TSPAN9: variants seen among roughly 807,000 people sequenced by gnomAD.
The protein encoded by TSPAN9 is tetraspanin 9, also known as tetraspanin-9.
In TSPAN9, 16 loss-of-function variants were observed where a neutral mutation model predicts 31.0. The observed-to-expected ratio is 0.52, with a 90% CI of 0.35 to 0.78. The LOEUF (loss-of-function observed/expected upper bound fraction) is 0.78, where lower values mean the gene tolerates loss of function less well. Ranked by LOEUF, TSPAN9 falls within the 30% of genes least tolerant of loss-of-function variation. The pLI, the probability that TSPAN9 is intolerant of heterozygous loss-of-function variation, is 0.01. For missense variants in TSPAN9, 272 were observed against 312.5 expected (o/e 0.87, Z 0.98); for synonymous variants, 145 against 121.6 (o/e 1.19, Z -1.27).
At chr12:3,105,477 A>C (rs1252608673) in intron 2 of TSPAN9, among the ~76,000 whole-genome samples, 3 of 148,850 alleles carry the variant, frequency 2.0e-5, no homozygotes, top group East Asian at 3.9e-4. Context: ...GGGGTCAGAG[A>C]GTAAGGCTGG....
At chr12:3,078,173 A>C (rs1440961738) in intron 1 of TSPAN9, among the ~76,000 whole-genome samples, 1 of 152,132 alleles carries the variant, frequency 6.6e-6, no homozygotes, top group Admixed American at 6.5e-5. Flanking sequence ...TGTCTGGGGA[A>C]GCTTGGGCTA....
In TSPAN9 at chr12:3,092,575, C is replaced by T. The variant is rs187258977; in HGVS notation, c.-18+8856C>T. On this transcript the variant is annotated intron_variant, in intron 2 of 8. Transcript: ENST00000011898. ...GGAAGGGATAAGATTGCTACAGATA[C>T]AGCCAGAGCCCCCTGAGAGGAGATG... 3.3e-3 allele frequency among the ~76,000 whole-genome samples: 496 copies of T among 152,326 alleles called. 3 individuals carry two copies. The highest frequency in any genetic ancestry group is 0.032 in the South Asian group (153 of 4,820).
intron 2 of TSPAN9, among the ~76,000 whole-genome samples, chr12:3,134,216 G>A (rs1157370880): frequency 6.6e-6 from 1 of 152,162 alleles, no homozygotes; most frequent in Non-Finnish European, 1.5e-5. Flanking sequence ...CCACTCCCAG[G>A]ATTTGGGTGT....
At chr12:3,179,480 G>A (rs545873951) in intron 2 of TSPAN9, among the ~76,000 whole-genome samples, 4 of 152,278 alleles carry the variant, frequency 2.6e-5, no homozygotes, top group South Asian at 4.2e-4. Context: ...CTTCAGATGC[G>A]TGAGGGCGTG....
intron 2 of TSPAN9, among the ~76,000 whole-genome samples, chr12:3,139,826 G>A (rs1441791201): frequency 2.6e-5 from 4 of 152,182 alleles, no homozygotes; most frequent in African/African-American, 9.7e-5. Flanking sequence ...AGGATTACAG[G>A]CAGGAGCCAC....
intron 3 of TSPAN9, 65 bp from the exon 4 acceptor site, chr12:3,278,356 T>A: frequency 6.3e-7 from 1 of 1,585,386 alleles, no homozygotes; most frequent in South Asian, 1.2e-5. Flanking sequence ...GGACCTGCAC[T>A]GTTCCCAGGT....
At chr12:3,219,262 A>G (rs1002492947) in intron 3 of TSPAN9, among the ~76,000 whole-genome samples, 1 of 152,214 alleles carries the variant, frequency 6.6e-6, no homozygotes, top group Non-Finnish European at 1.5e-5. Flanking sequence ...GTGAACAATG[A>G]CAGTGACATG....
At chr12:3,281,404 A>T in intron 7 of TSPAN9, 75 bp downstream of exon 7, 1 of 1,471,594 alleles carries the variant, frequency 6.8e-7, no homozygotes, top group Non-Finnish European at 9.0e-7. Context: ...CCTATAGGGG[A>T]GGCTGGGCCC....
At chr12:3,256,861 C>T (rs1020803311) in intron 3 of TSPAN9, among the ~76,000 whole-genome samples, 11 of 152,144 alleles carry the variant, frequency 7.2e-5, no homozygotes, top group African/African-American at 9.7e-5. Context: ...ATCTCTCTGA[C>T]GAGTCCATTC....
chr12:3,195,428 TA>T (rs879509676), intron 2 of TSPAN9, among the ~76,000 whole-genome samples: 67 of 150,430 alleles, frequency 4.5e-4, no homozygotes, highest in African/African-American at 1.4e-3. Context: ...CTTTTTTTGT[TA>T]AAAAAAAAAT....
intron 2 of TSPAN9, among the ~76,000 whole-genome samples, chr12:3,131,397 G>A (rs765683608): frequency 2.6e-4 from 40 of 152,208 alleles, no homozygotes; most frequent in Non-Finnish European, 5.4e-4. Context: ...TTGCACAGGT[G>A]CTCCCATTAG....
At chr12:3,209,585 G>C (rs768196353) in intron 3 of TSPAN9, among the ~76,000 whole-genome samples, 2 of 152,136 alleles carry the variant, frequency 1.3e-5, no homozygotes, top group Non-Finnish European at 2.9e-5. Flanking sequence ...CACGTGACTC[G>C]CCTGACGAGC....
chr12:3,134,954 C>T (rs2098331435), intron 2 of TSPAN9, among the ~76,000 whole-genome samples: 1 of 152,110 alleles, frequency 6.6e-6, no homozygotes, highest in Admixed American at 6.5e-5. Context: ...AACGCAGGGG[C>T]TGGCTAGCTG....
chr12:3,227,680 C>T (rs561462049), intron 3 of TSPAN9, among the ~76,000 whole-genome samples: 2 of 152,348 alleles, frequency 1.3e-5, no homozygotes, highest in South Asian at 4.1e-4. Context: ...CACACTCCAT[C>T]TCCACTGGCC....
chr12:3,080,028 A>G (rs1421142105), intron 1 of TSPAN9, among the ~76,000 whole-genome samples: 1 of 151,168 alleles, frequency 6.6e-6, no homozygotes, highest in African/African-American at 2.4e-5. Flanking sequence ...GCCTCAAGCA[A>G]TTCTCCTACC....
intron 2 of TSPAN9, among the ~76,000 whole-genome samples, chr12:3,115,589 G>A (rs1565581004): frequency 6.6e-6 from 1 of 152,314 alleles, no homozygotes; most frequent in East Asian, 1.9e-4. Flanking sequence ...AGCATGGTCA[G>A]GTGCTGGTGA....
intron 1 of TSPAN9, among the ~76,000 whole-genome samples, chr12:3,079,261 GA>G (rs2098296638): frequency 6.6e-6 from 1 of 152,148 alleles, no homozygotes; most frequent in Admixed American, 6.5e-5. Flanking sequence ...TTATAGGCGT[GA>G]GCCACCGCAT....
At position 3,246,024 on chromosome 12, in the gene TSPAN9, G is replaced by T. The variant is rs1336050430; in HGVS notation, c.64-32397G>T. On this transcript the variant is annotated intron_variant, in intron 3 of 8. Coordinates refer to ENST00000011898, the MANE Select transcript of TSPAN9 (RefSeq NM_006675.5). ...AACCTGAGACTGGGTGATTTATAAA[G>T]AAAAGAGGTTTAATTGGCTCATGTT... Among the ~76,000 whole-genome samples the T allele has an allele frequency of 2.0e-5, 3 of 151,940 alleles. No individual in the cohort carries two copies. The East Asian group carries it at 5.9e-4, about 30-fold the overall frequency.
At chr12:3,179,537 C>G (rs1565604246) in intron 2 of TSPAN9, among the ~76,000 whole-genome samples, 1 of 152,148 alleles carries the variant, frequency 6.6e-6, no homozygotes, top group Non-Finnish European at 1.5e-5. Flanking sequence ...GGTGTCTACT[C>G]TAGACATGTG....
Sources: allele counts gnomAD v4.1 joint callset (sites outside exome capture counted in the v4.1 genomes callset), GRCh38; gene constraint gnomAD v4.1.1; transcripts MANE v1.5; gene names NCBI Gene and HGNC (gene_info 2026-07-23, HGNC 2026-07-21).